TRABD2B: variants seen among roughly 807,000 people sequenced by gnomAD.
TRABD2B encodes TraB domain containing 2B, also known as metalloprotease TIKI2.
TRABD2B carries 14 observed loss-of-function variants against 40.1 expected under a neutral mutation model. The ratio of observed to expected loss-of-function variants is 0.35; its 90% CI spans 0.23 to 0.55. TRABD2B has a LOEUF of 0.55. Ranked by LOEUF, TRABD2B falls within the 20% of genes least tolerant of loss-of-function variation. TRABD2B has a pLI of 0.90. For synonymous variants in TRABD2B, 263 were observed against 277.0 expected, an observed-to-expected ratio of 0.95 and a Z score of 0.50; for missense variants, 541 against 648.6, an observed-to-expected ratio of 0.83 and a Z score of 1.80.
intron 2 of TRABD2B, among the ~76,000 whole-genome samples, chr1:47,922,604 C>T (rs1240930616): frequency 6.6e-6 from 1 of 152,192 alleles, no homozygotes; most frequent in East Asian, 1.9e-4. Flanking sequence ...CTCTGAGCCT[C>T]AGCTGTCATC....
rs549834456 is a variant in TRABD2B, at chr1:47,819,397, C to T, written c.667-17778G>A. 2.0e-5 allele frequency: 3 copies of T among 152,362 alleles called. No individual in the cohort carries two copies. In the East Asian group the frequency reaches 5.8e-4, roughly 29 times the overall value. The allele number at this position is 152,362 out of a possible 1,614,324, so 9.4% of individuals were successfully genotyped here. ...CTGATTTTATTTATTTTGATTGGAT[C>T]TTTAACAGCTCTTTACAAGGCTGAA... On this transcript the variant is annotated intron_variant, in intron 2 of 6. Coordinates refer to ENST00000606738, the MANE Select transcript of TRABD2B (RefSeq NM_001194986.2).
At chr1:47,924,045 G>A (rs963155164) in intron 2 of TRABD2B, among the ~76,000 whole-genome samples, 1 of 151,684 alleles carries the variant, frequency 6.6e-6, no homozygotes, top group Non-Finnish European at 1.5e-5. Flanking sequence ...AATGTTTCCG[G>A]TCTTTATTCA....
At chr1:47,977,681 A>G (rs1404796437) in intron 2 of TRABD2B, among the ~76,000 whole-genome samples, 2 of 66,876 alleles carry the variant, frequency 3.0e-5, no homozygotes, top group Admixed American at 3.4e-4. Flanking sequence ...GGCCGGGATG[A>G]AAAAAAAAAA....
At chr1:47,942,907 G>A (rs1202377375) in intron 2 of TRABD2B, among the ~76,000 whole-genome samples, 4 of 152,184 alleles carry the variant, frequency 2.6e-5, no homozygotes, top group African/African-American at 9.7e-5. Flanking sequence ...CTATACCCAA[G>A]CATTTACTGA....
chr1:47,969,504 A>G (rs1377576855), intron 2 of TRABD2B, among the ~76,000 whole-genome samples: 2 of 152,150 alleles, frequency 1.3e-5, no homozygotes, highest in Non-Finnish European at 2.9e-5. Context: ...TGATCATTTC[A>G]CAGATGAGGA....
intron 4 of TRABD2B, among the ~76,000 whole-genome samples, chr1:47,780,653 G>A (rs558145477): frequency 6.6e-6 from 1 of 152,270 alleles, no homozygotes; most frequent in South Asian, 2.1e-4. Flanking sequence ...CTGCAGGGTG[G>A]GATAAGAGTT....
chr1:47,808,105 C>T (rs538015697), intron 2 of TRABD2B, among the ~76,000 whole-genome samples: 17 of 152,292 alleles, frequency 1.1e-4, no homozygotes, highest in East Asian at 1.9e-4. Context: ...CCCTCCATAA[C>T]GTAGGTGGGC....
At chr1:47,975,832 C>G (rs1193098887) in intron 2 of TRABD2B, among the ~76,000 whole-genome samples, 1 of 152,088 alleles carries the variant, frequency 6.6e-6, no homozygotes, top group Admixed American at 6.5e-5. Context: ...GTCAAAGAGG[C>G]CTTCCTGCAG....
intron 2 of TRABD2B, among the ~76,000 whole-genome samples, chr1:47,806,801 T>A (rs1231546394): frequency 1.3e-5 from 2 of 152,168 alleles, no homozygotes; most frequent in Non-Finnish European, 2.9e-5. Flanking sequence ...ATGGTAGACT[T>A]GAAGGCCTAT....
At chr1:47,925,371 A>AT (rs570228835) in intron 2 of TRABD2B, among the ~76,000 whole-genome samples, 5 of 152,128 alleles carry the variant, frequency 3.3e-5, no homozygotes, top group Admixed American at 1.3e-4. Flanking sequence ...ATGAAAGAAG[A>AT]TTTTTTTTAT....
intron 2 of TRABD2B, among the ~76,000 whole-genome samples, chr1:47,814,631 C>T (rs541204068): frequency 2.6e-5 from 4 of 152,168 alleles, no homozygotes; most frequent in African/African-American, 9.7e-5. Flanking sequence ...GGGCCCTCCC[C>T]ACTCCCTTCC....
chr1:47,972,971 G>GCCCC (rs1645702907), intron 2 of TRABD2B, among the ~76,000 whole-genome samples: 2 of 152,116 alleles, frequency 1.3e-5, no homozygotes, highest in South Asian at 4.1e-4. Context: ...TACTGGACAT[G>GCCCC]CCCCCACACA....
intron 2 of TRABD2B, among the ~76,000 whole-genome samples, chr1:47,993,043 G>A (rs1249806385): frequency 6.6e-6 from 1 of 152,238 alleles, no homozygotes; most frequent in African/African-American, 2.4e-5. Context: ...GGAGCAAGCA[G>A]GTCTGATTCC....
intron 4 of TRABD2B, among the ~76,000 whole-genome samples, chr1:47,787,868 G>A (rs192831887): frequency 6.6e-6 from 1 of 152,294 alleles, no homozygotes; most frequent in Non-Finnish European, 1.5e-5. Flanking sequence ...GAGCATGAGA[G>A]AGGCTGTGAT....
At chr1:47,839,176 G>T (rs909753073) in intron 2 of TRABD2B, among the ~76,000 whole-genome samples, 1 of 152,090 alleles carries the variant, frequency 6.6e-6, no homozygotes, top group Non-Finnish European at 1.5e-5. Flanking sequence ...TGGAGTAAGC[G>T]TTACCCGAGA....
chr1:47,807,645 T>G (rs1162005610), intron 2 of TRABD2B, among the ~76,000 whole-genome samples: 1 of 152,190 alleles, frequency 6.6e-6, no homozygotes, highest in Non-Finnish European at 1.5e-5. Context: ...TGTGTCTGTG[T>G]GTGTGTTTCT....
At chr1:47,787,161 A>G (rs1267893559) in intron 4 of TRABD2B, among the ~76,000 whole-genome samples, 2 of 152,124 alleles carry the variant, frequency 1.3e-5, no homozygotes, top group African/African-American at 4.8e-5. Context: ...AGGACTATGG[A>G]GATGATGAGT....
intron 2 of TRABD2B, among the ~76,000 whole-genome samples, chr1:47,918,880 A>T (rs1294385239): frequency 6.6e-6 from 1 of 152,186 alleles, no homozygotes; most frequent in African/African-American, 2.4e-5. Flanking sequence ...AAGCCAAGGG[A>T]TTTGGGAAGC....
At chr1:47,955,761 C>A (rs569364753) in intron 2 of TRABD2B, among the ~76,000 whole-genome samples, 2 of 152,302 alleles carry the variant, frequency 1.3e-5, no homozygotes, top group African/African-American at 4.8e-5. Flanking sequence ...GACCCCCTCC[C>A]ATCCAGGCTT....
Sources: allele counts gnomAD v4.1 joint callset (sites outside exome capture counted in the v4.1 genomes callset), GRCh38; gene constraint gnomAD v4.1.1; transcripts MANE v1.5; gene names NCBI Gene and HGNC (gene_info 2026-07-23, HGNC 2026-07-21).